The following C3orf49 variants were observed in gnomAD, a reference collection of about 807,000 sequenced individuals.
C3orf49 encodes chromosome 3 open reading frame 49, also known as putative uncharacterized protein C3orf49.
C3orf49 carries 27 observed loss-of-function variants against 13.3 expected under a neutral mutation model. The observed-to-expected ratio is 2.02, with a 90% CI of 1.49 to 2.79. The LOEUF is 2.79. C3orf49 is among the 30% of genes most tolerant of loss of function. C3orf49 has a pLI of 0.00. For missense variants in C3orf49, 242 were observed against 134.2 expected (o/e 1.80, Z -3.97); for synonymous variants, 87 against 47.6 (o/e 1.83, Z -3.40).
the C3orf49 span, among the ~76,000 whole-genome samples, chr3:63,787,876 A>G: frequency 6.6e-6 from 1 of 152,200 alleles, no homozygotes; most frequent in South Asian, 2.1e-4. Flanking sequence ...AATGTGTGTC[A>G]AAAGGAGCCA....
chr3:63,847,096 TACC>T (rs1331589241), intron 6 of C3orf49, among the ~76,000 whole-genome samples: 1 of 152,104 alleles, frequency 6.6e-6, no homozygotes, highest in Non-Finnish European at 1.5e-5. Context: ...GAATAGGAAG[TACC>T]ACCACTTGTG....
chr3:63,783,525 TAC>T, the C3orf49 span, among the ~76,000 whole-genome samples: 46,870 of 131,664 alleles, frequency 0.36, 8,029 homozygotes, highest in East Asian at 0.53. Context: ...TACTAAAAAT[TAC>T]ACACACACAC....
chr3:63,794,344 TCAA>T, the C3orf49 span, among the ~76,000 whole-genome samples: 5 of 151,780 alleles, frequency 3.3e-5, no homozygotes, highest in African/African-American at 1.2e-4. Context: ...TGCCATCACT[TCAA>T]CAACTGTTGT....
upstream of C3orf49, chr3:63,819,281 C>T: frequency 1.9e-6 from 1 of 540,214 alleles, no homozygotes; most frequent in Non-Finnish European, 3.3e-6. Flanking sequence ...TAAACAGGGC[C>T]AGTCCCACAA....
chr3:63,801,710 T>G, the C3orf49 span, among the ~76,000 whole-genome samples: 142 of 152,334 alleles, frequency 9.3e-4, no homozygotes, highest in African/African-American at 3.2e-3. Flanking sequence ...CTATTGTTAC[T>G]GTCATTTTTA....
chr3:63,823,555 A>G lies in C3orf49; in HGVS notation c.431A>G (p.Lys144Arg), dbSNP rs750203544. ...AAGTTATTTACAGCAAAAATGAGAA[A>G]GCTCTCAGAGAATGGTAATCATATT... Reference protein sequence around the residue: ...SPKLFTAKMRKLSENATIQLD... With the variant: ...SPKLFTAKMRRLSENATIQLD... Residue 144 changes from lysine (K) to arginine (R), a missense_variant, in exon 2 of 7, where the codon AAG (lysine) becomes AGG (arginine). Physicochemically the swap from Lys to Arg is conservative, Grantham distance 26 (BLOSUM62 2). Coordinates refer to ENST00000295896, the MANE Select transcript of C3orf49 (RefSeq NM_001355236.2). The G allele has an allele frequency of 2.9e-6, 2 of 698,364 alleles. No individual in the cohort carries two copies. Among genetic ancestry groups the G allele is most frequent in the South Asian group, 3.0e-5 (2 of 66,688 alleles). The allele number at this position is 698,364 out of a possible 1,614,324, so 43.3% of individuals were successfully genotyped here.
intron 5 of C3orf49, chr3:63,835,177 T>C (rs778022755): frequency 8.7e-6 from 14 of 1,613,596 alleles, no homozygotes; most frequent in Middle Eastern, 1.7e-4. Context: ...CTGAAGTTCA[T>C]GGATGGTACT....
chr3:63,833,008 C>T (rs1410389961), intron 5 of C3orf49: 2 of 151,748 alleles, frequency 1.3e-5, no homozygotes, highest in African/African-American at 2.4e-5. Flanking sequence ...ACAAGTATTA[C>T]ACATATAATG....
chr3:63,784,455 G>A, the C3orf49 span, among the ~76,000 whole-genome samples: 1 of 152,154 alleles, frequency 6.6e-6, no homozygotes, highest in African/African-American at 2.4e-5. Context: ...ATGGGGCACA[G>A]CAGTGGAATT....
chr3:63,809,614 C>T, the C3orf49 span, among the ~76,000 whole-genome samples: 1 of 152,142 alleles, frequency 6.6e-6, no homozygotes, highest in Non-Finnish European at 1.5e-5. Flanking sequence ...ACATGTTAGG[C>T]CCTTCGTTAT....
At chr3:63,841,177 A>G (rs1701751902) in intron 5 of C3orf49, among the ~76,000 whole-genome samples, 1 of 152,208 alleles carries the variant, frequency 6.6e-6, no homozygotes, top group Non-Finnish European at 1.5e-5. Context: ...AGCATATACA[A>G]TATGTTGCCA....
At chr3:63,830,791 T>C (rs1212708204) in intron 3 of C3orf49, among the ~76,000 whole-genome samples, 1 of 152,174 alleles carries the variant, frequency 6.6e-6, no homozygotes, top group Non-Finnish European at 1.5e-5. Flanking sequence ...ACTCTTACTG[T>C]GCTCAGCAGC....
chr3:63,794,993 G>C, the C3orf49 span, among the ~76,000 whole-genome samples: 1 of 152,146 alleles, frequency 6.6e-6, no homozygotes, highest in Non-Finnish European at 1.5e-5. Context: ...AAATCAGCCT[G>C]GTTGCCGTCC....
the C3orf49 span, among the ~76,000 whole-genome samples, chr3:63,789,446 T>G: frequency 2.5e-3 from 378 of 152,250 alleles, no homozygotes; most frequent in Middle Eastern, 0.014. Context: ...ATTACATTAG[T>G]GTAACTTTGA....
At chr3:63,819,028 G>C (rs1038078939), upstream of C3orf49, among the ~76,000 whole-genome samples, 1 of 152,192 alleles carries the variant, frequency 6.6e-6, no homozygotes, top group Non-Finnish European at 1.5e-5. Flanking sequence ...TATTCCTATA[G>C]GTCCCTACCA....
At chr3:63,806,434 T>C in the C3orf49 span, among the ~76,000 whole-genome samples, 2 of 152,234 alleles carry the variant, frequency 1.3e-5, no homozygotes, top group African/African-American at 4.8e-5. Context: ...GGCAATGTGA[T>C]ATAATAATGT....
At chr3:63,799,716 A>C in the C3orf49 span, among the ~76,000 whole-genome samples, 14 of 152,286 alleles carry the variant, frequency 9.2e-5, no homozygotes, top group East Asian at 2.5e-3. Context: ...AATATGAGAC[A>C]AGAAAAAGCA....
intron 5 of C3orf49, chr3:63,834,202 G>C: frequency 6.2e-7 from 1 of 1,613,782 alleles, no homozygotes. Context: ...TTCATCATCT[G>C]TAATTGAGAA....
the C3orf49 span, among the ~76,000 whole-genome samples, chr3:63,783,567 A>ACAC: frequency 4.5e-5 from 5 of 112,230 alleles, no homozygotes; most frequent in East Asian, 8.4e-4. Flanking sequence ...CACACACACA[A>ACAC]ATTAGCCAGG....
Sources: allele counts gnomAD v4.1 joint callset (sites outside exome capture counted in the v4.1 genomes callset), GRCh38; gene constraint gnomAD v4.1.1; transcripts MANE v1.5; gene names NCBI Gene and HGNC (gene_info 2026-07-23, HGNC 2026-07-21).